Variants in CRACD observed in about 807,000 individuals in gnomAD.
CRACD encodes capping protein inhibiting regulator of actin dynamics, also known as capping protein-inhibiting regulator of actin dynamics.
In CRACD, 56 loss-of-function variants were observed where a neutral mutation model predicts 106.8. That is an observed-to-expected ratio of 0.52 (90% confidence interval 0.42 to 0.66). The LOEUF is 0.66. Ranked by LOEUF, CRACD falls within the 30% of genes least tolerant of loss-of-function variation. The pLI is 0.00. For synonymous variants in CRACD, 754 were observed against 670.8 expected, an observed-to-expected ratio of 1.12 and a Z score of -1.92; for missense variants, 1,730 against 1,623.2, an observed-to-expected ratio of 1.07 and a Z score of -1.13.
intron 1 of CRACD, among the ~76,000 whole-genome samples, chr4:56,155,594 T>G (rs1577698402): frequency 1.3e-5 from 2 of 152,224 alleles, no homozygotes; most frequent in African/African-American, 4.8e-5. Context: ...AGGATTATTA[T>G]TGCTCCCATT....
chr4:56,313,252 T>C lies in CRACD; in HGVS notation c.410T>C (p.Ile137Thr). 1 of 1,614,144 alleles carries C rather than the reference T, an allele frequency of 6.2e-7. No homozygotes were observed. The highest frequency in any genetic ancestry group is 8.5e-7 in the Non-Finnish European group (1 of 1,180,028). Residue 137 changes from isoleucine to threonine, a missense_variant, in exon 7 of 11, where the codon ATC (isoleucine) becomes ACC (threonine). Transcript: ENST00000682029. ...AGGCACTTCTCTTCTGCTGGCACCA[T>C]CGAAAGTGTCAACTTAGATGCCATC... Reference protein sequence around the residue: ...PKRHFSSAGTIESVNLDAIPL... With the variant: ...PKRHFSSAGTTESVNLDAIPL...
chr4:56,189,001 A>G (rs12647008), intron 2 of CRACD, among the ~76,000 whole-genome samples: 1 of 151,930 alleles, frequency 6.6e-6, no homozygotes, highest in Non-Finnish European at 1.5e-5. Context: ...CTTGCCAACA[A>G]GGTGAAACCC....
At chr4:56,158,866 C>A (rs776074691) in intron 1 of CRACD, among the ~76,000 whole-genome samples, 1 of 152,216 alleles carries the variant, frequency 6.6e-6, no homozygotes, top group Non-Finnish European at 1.5e-5. Context: ...CCTGTGAACT[C>A]CAGAGAAATA....
intron 1 of CRACD, among the ~76,000 whole-genome samples, chr4:56,113,552 A>AT (rs1734187846): frequency 8.7e-6 from 1 of 114,788 alleles, no homozygotes; most frequent in Non-Finnish European, 1.7e-5. Flanking sequence ...TTTTAAATGT[A>AT]TTTTTAGAGG....
chr4:56,237,174 G>A (rs6812111), intron 2 of CRACD, among the ~76,000 whole-genome samples: 96,521 of 151,944 alleles, frequency 0.64, 30,905 homozygotes, highest in East Asian at 0.87. Flanking sequence ...GGAAAGGTTG[G>A]AAGAATGAGT....
chr4:56,113,886 A>G (rs1183222574), intron 1 of CRACD, among the ~76,000 whole-genome samples: 3 of 152,064 alleles, frequency 2.0e-5, no homozygotes, highest in African/African-American at 7.2e-5. Flanking sequence ...GAGATCTCCA[A>G]AGCTTTCTTG....
At chr4:56,226,161 A>C (rs531588271) in intron 2 of CRACD, among the ~76,000 whole-genome samples, 3 of 152,320 alleles carry the variant, frequency 2.0e-5, no homozygotes, top group Admixed American at 6.5e-5. Flanking sequence ...ATATTCATTA[A>C]GGGCAGGAAT....
At chr4:56,255,312 C>T (rs1358486390) in intron 2 of CRACD, among the ~76,000 whole-genome samples, 2 of 151,982 alleles carry the variant, frequency 1.3e-5, no homozygotes, top group Non-Finnish European at 2.9e-5. Flanking sequence ...TACTAAATGT[C>T]CTCTCCTCAA....
At chr4:56,067,230 T>C (rs760488618) in intron 1 of CRACD, among the ~76,000 whole-genome samples, 5 of 152,130 alleles carry the variant, frequency 3.3e-5, no homozygotes, top group Admixed American at 6.6e-5. Context: ...AGATGATTCT[T>C]CTGCACAGAA....
intron 1 of CRACD, among the ~76,000 whole-genome samples, chr4:56,158,630 C>T (rs912817821): frequency 1.5e-4 from 23 of 152,174 alleles, no homozygotes; most frequent in African/African-American, 5.5e-4. Flanking sequence ...TAATGCCTTA[C>T]CTTTATGGCT....
At chr4:56,073,956 G>A (rs1264985477) in intron 1 of CRACD, among the ~76,000 whole-genome samples, 1 of 152,158 alleles carries the variant, frequency 6.6e-6, no homozygotes, top group Non-Finnish European at 1.5e-5. Context: ...TTATTAAATA[G>A]GGAATCCTTT....
intron 1 of CRACD, among the ~76,000 whole-genome samples, chr4:56,160,398 G>A (rs914445700): frequency 1.3e-5 from 2 of 151,860 alleles, no homozygotes; most frequent in African/African-American, 4.8e-5. Flanking sequence ...TGCCCAGGCT[G>A]GTCTCAAACT....
rs1363289965 is a variant in CRACD, at chr4:56,273,364, G to A, written c.-17+872G>A. 5.7e-5 allele frequency among the ~76,000 whole-genome samples: 6 copies of A among 106,192 alleles called. No homozygotes were observed. The South Asian group carries it at 1.8e-3, about 31-fold the overall frequency. The allele number at this position is 106,192 out of a possible 152,430, so 69.7% of individuals were successfully genotyped here. On this transcript the variant is annotated intron_variant, in intron 3 of 10. Transcript: ENST00000682029. ...CCCTACGTCCCTCCCTCCCTCCCTC[G>A]TTTCTTCCTTCCCTCCCTCCTTTCT... is the stretch of plus-strand genomic sequence containing the variant.
At chr4:56,197,737 G>A (rs111973841) in intron 2 of CRACD, among the ~76,000 whole-genome samples, 2,432 of 151,814 alleles carry the variant, frequency 0.016, 66 homozygotes, top group East Asian at 0.058. Context: ...GAGTGCAGTG[G>A]TGGGATCTCT....
In CRACD at chr4:56,329,376, C is replaced by T. The variant is rs1746662317; in HGVS notation, c.*1572C>T. ...CCATCATTACTTTCCTTTATGCTCGCTCAATATGCAATGTGCTGTTATTCT... is the reference window on the plus strand; with the variant it reads ...CCATCATTACTTTCCTTTATGCTCGTTCAATATGCAATGTGCTGTTATTCT... On this transcript the variant is annotated 3_prime_UTR_variant, in exon 11 of 11. Coordinates refer to ENST00000682029, the MANE Select transcript of CRACD (RefSeq NM_001393381.1). 6.6e-6 allele frequency among the ~76,000 whole-genome samples: 1 copy of T among 152,166 alleles called. No individual in the cohort carries two copies. The highest frequency in any genetic ancestry group is 2.4e-5 in the African/African-American group (1 of 41,434).
Position 56,328,417 on chromosome 4 carries a change from A to G in CRACD, c.*613A>G, listed in dbSNP as rs1746608073. On this transcript the variant is annotated 3_prime_UTR_variant, in exon 11 of 11. Transcript: ENST00000682029. ...TGTAACCCAGAAGGCACATCCATTC[A>G]CATTTTTACCGCACTGTGGATTCAT... The G allele has an allele frequency of 1.9e-6, 1 of 518,462 alleles. No individual in the cohort carries two copies. The highest frequency in any genetic ancestry group is 3.9e-6 in the Non-Finnish European group (1 of 259,708). 32.1% of individuals were successfully genotyped at this position (518,462 alleles called of 1,614,324 possible). A position where few individuals can be genotyped will look rare whatever the true frequency, so the allele number is the denominator to read the frequency against.
Position 56,314,440 on chromosome 4 carries a change from G to A in CRACD, c.938G>A (p.Arg313His), listed in dbSNP as rs573662937. 22 of 1,490,636 alleles carry A rather than the reference G, an allele frequency of 1.5e-5. No individual in the cohort carries two copies. Among genetic ancestry groups the A allele is most frequent in the African/African-American group, 1.1e-4 (7 of 60,894 alleles). 92.3% of individuals were successfully genotyped at this position (1,490,636 alleles called of 1,614,324 possible). Residue 313 changes from arginine (R) to histidine (H), a missense_variant, in exon 8 of 11, where the codon CGC (arginine) becomes CAC (histidine). Transcript: ENST00000682029. This position sits in a 1 kb window ranked among gnomAD's most constrained non-coding sequence, Gnocchi z 4.4. Reference sequence around the variant, plus strand: ...CGGAGGGAGCGTGAGGAGCGCGAGCGCCTGGAGGCGGAGGAGGAGCGAAGG... The same window carrying A: ...CGGAGGGAGCGTGAGGAGCGCGAGCACCTGGAGGCGGAGGAGGAGCGAAGG... ...AERREREERERLEAEEERRRL... is the reference protein window; with the variant it reads ...AERREREEREHLEAEEERRRL...
At chr4:56,119,578 G>T (rs1178232903) in intron 1 of CRACD, among the ~76,000 whole-genome samples, 1 of 151,680 alleles carries the variant, frequency 6.6e-6, no homozygotes, top group African/African-American at 2.4e-5. Flanking sequence ...CAAGTGATCT[G>T]CCTTCCTTGG....
chr4:56,295,894 T>C lies in CRACD; in HGVS notation c.-16-2320T>C, dbSNP rs562983964. The stretch of plus-strand genomic sequence containing the variant: ...GAACTTGGAAGCTCAGTTTGTGACA[T>C]AGGTCCCAGGTTCTTTGAGGACAGG... On this transcript the variant is annotated intron_variant, in intron 3 of 10. Transcript: ENST00000682029. Among the ~76,000 whole-genome samples the C allele has an allele frequency of 1.7e-3, 259 of 152,188 alleles. 1 individual carries two copies. The highest frequency in any genetic ancestry group is 3.1e-3 in the Non-Finnish European group (213 of 67,996).
Sources: allele counts gnomAD v4.1 joint callset (sites outside exome capture counted in the v4.1 genomes callset), GRCh38; gene constraint gnomAD v4.1.1; non-coding constraint Gnocchi (gnomAD v3.1); transcripts MANE v1.5; gene names NCBI Gene and HGNC (gene_info 2026-07-23, HGNC 2026-07-21).